Variants in LMTK2 observed in about 807,000 individuals in gnomAD.
LMTK2 encodes the protein lemur tail kinase 2.
In LMTK2, 37 loss-of-function variants were observed where a neutral mutation model predicts 127.5. The observed-to-expected ratio is 0.29, with a 90% CI of 0.22 to 0.38. The LOEUF (loss-of-function observed/expected upper bound fraction) is 0.38. Among genes scored for constraint, LMTK2 ranks in the 10% least tolerant of loss-of-function variants. The pLI is 1.00. For synonymous variants in LMTK2, 819 were observed against 810.1 expected (o/e 1.01, Z -0.19); for missense variants, 1,694 against 1,920.3 (o/e 0.88, Z 2.20).
intron 11 of LMTK2, among the ~76,000 whole-genome samples, chr7:98,200,059 T>A (rs2116478730): frequency 6.6e-6 from 1 of 152,356 alleles, no homozygotes; most frequent in South Asian, 2.1e-4. Flanking sequence ...AATTGAACAT[T>A]TTTAGTATTA....
chr7:98,194,090 C>T lies in LMTK2; in HGVS notation c.3625C>T (p.Leu1209Phe). Residue 1209 changes from leucine (L) to phenylalanine (F), a missense_variant, in exon 11 of 14, where the codon CTT becomes TTT. Leu to Phe is a conservative substitution (Grantham distance 22). Coordinates refer to ENST00000297293, the MANE Select transcript of LMTK2 (RefSeq NM_014916.4). The surrounding 1 kb of genome is among the most constrained non-coding windows in gnomAD (Gnocchi z 5.4). ...TCCCTGGAGTGTGCTGAATGCAGAACTTAGCAGCGGCGATGACTTCGAGAC... is the reference window on the plus strand; with the variant it reads ...TCCCTGGAGTGTGCTGAATGCAGAATTTAGCAGCGGCGATGACTTCGAGAC... ...SSPWSVLNAE[L>F]SSGDDFETQD... The T allele has an allele frequency of 6.2e-7, 1 of 1,614,146 alleles. No homozygotes were observed. The highest frequency in any genetic ancestry group is 8.5e-7 in the Non-Finnish European group (1 of 1,180,034).
chr7:98,185,252 G>T lies in LMTK2; in HGVS notation c.876+117G>T, dbSNP rs1037481874. 40 of 694,910 alleles carry T rather than the reference G, an allele frequency of 5.8e-5. No homozygotes were observed. In the Admixed American group the frequency reaches 8.5e-4, roughly 15 times the overall value. The allele number at this position is 694,910 out of a possible 1,614,324, so 43.0% of individuals were successfully genotyped here. On this transcript the variant is annotated intron_variant, in intron 8 of 13. Coordinates refer to ENST00000297293, the MANE Select transcript of LMTK2 (RefSeq NM_014916.4). Reference sequence around the variant, plus strand: ...TTAGTCGCTAGGCTTTCTGGAGAGGGATTTGCAGCAGTCATTTTAATGTGG... The same window carrying T: ...TTAGTCGCTAGGCTTTCTGGAGAGGTATTTGCAGCAGTCATTTTAATGTGG...
chr7:98,121,148 C>G (rs1384787436), intron 1 of LMTK2, among the ~76,000 whole-genome samples: 1 of 152,124 alleles, frequency 6.6e-6, no homozygotes, highest in African/African-American at 2.4e-5. Flanking sequence ...ACCCGTTCAC[C>G]CTGGTGAACC....
chr7:98,159,327 A>AT lies in LMTK2; in HGVS notation c.570-6dup, dbSNP rs766223180. 4 of 1,579,850 alleles carry AT rather than the reference A, an allele frequency of 2.5e-6. No homozygotes were observed. The South Asian group carries it at 3.5e-5, about 14-fold the overall frequency. Reference sequence around the variant, plus strand: ...CCTGATGAACAATATTATGGCTTTTATTTTTCCCAGCATTCTTCAGCATCC... The same window carrying AT: ...CCTGATGAACAATATTATGGCTTTTATTTTTTCCCAGCATTCTTCAGCATCC... On this transcript the variant is annotated splice_polypyrimidine_tract_variant and intron_variant, in intron 5 of 13. Coordinates refer to ENST00000297293, the MANE Select transcript of LMTK2 (RefSeq NM_014916.4).
rs1263630393 is a variant in LMTK2 at position 98,205,720 on chromosome 7, G to A, written c.*228G>A. 11 of 590,044 alleles carry A rather than the reference G, an allele frequency of 1.9e-5. No homozygotes were observed. Among genetic ancestry groups the A allele is most frequent in the Admixed American group, 6.0e-5 (2 of 33,526 alleles). The allele number at this position is 590,044 out of a possible 1,614,324, so 36.6% of individuals were successfully genotyped here. On this transcript the variant is annotated 3_prime_UTR_variant, in exon 14 of 14. Coordinates refer to ENST00000297293, the MANE Select transcript of LMTK2 (RefSeq NM_014916.4). ...AGGAGCCGGCGTCCCTCAGTGCCCCGTGCACCCGCGGCCGCGGCCTCCCAG... is the reference window on the plus strand; with the variant it reads ...AGGAGCCGGCGTCCCTCAGTGCCCCATGCACCCGCGGCCGCGGCCTCCCAG...
At position 98,154,791 on chromosome 7, in the gene LMTK2, G is replaced by T; in HGVS notation, c.484G>T (p.Val162Leu). The T allele has an allele frequency of 6.2e-7, 1 of 1,613,468 alleles. No individual in the cohort carries two copies. Among genetic ancestry groups the T allele is most frequent in the Non-Finnish European group, 8.5e-7 (1 of 1,179,436 alleles). Reference sequence around the variant, plus strand: ...GGGAGAGATTTACACGGGCACTAGCGTAGCAAGAGTCATCGTGAAGGAGTT... The same window carrying T: ...GGGAGAGATTTACACGGGCACTAGCTTAGCAAGAGTCATCGTGAAGGAGTT... Reference protein sequence around the residue: ...LLGEIYTGTSVARVIVKELKA... With the variant: ...LLGEIYTGTSLARVIVKELKA... Residue 162 changes from valine (V) to leucine (L), a missense_variant, in exon 5 of 14, where the codon GTA becomes TTA. Val to Leu is a conservative substitution (Grantham distance 32). Around this residue, in one of 8 missense-constraint regions of LMTK2, gnomAD observed 203 missense variants for 226.2 expected, o/e 0.90. Coordinates refer to ENST00000297293, the MANE Select transcript of LMTK2 (RefSeq NM_014916.4).
At chr7:98,165,347 AG>A (rs1797079005) in intron 6 of LMTK2, among the ~76,000 whole-genome samples, 1 of 152,130 alleles carries the variant, frequency 6.6e-6, no homozygotes, top group Non-Finnish European at 1.5e-5. Flanking sequence ...AGGCCGAGAG[AG>A]GGGAAGGGAC....
At chr7:98,113,181 G>T (rs1041940399) in intron 1 of LMTK2, among the ~76,000 whole-genome samples, 2 of 152,138 alleles carry the variant, frequency 1.3e-5, no homozygotes, top group Admixed American at 6.5e-5. Flanking sequence ...AATCATGGGG[G>T]TGGTTACCCC....
At chr7:98,108,822 C>T (rs367903230) in intron 1 of LMTK2, among the ~76,000 whole-genome samples, 4 of 147,754 alleles carry the variant, frequency 2.7e-5, no homozygotes, top group African/African-American at 7.5e-5. Flanking sequence ...TTTGAAGTAT[C>T]GATTCTTTAT....
chr7:98,179,628 T>C (rs1309361784), intron 7 of LMTK2, among the ~76,000 whole-genome samples: 9 of 111,660 alleles, frequency 8.1e-5, no homozygotes, highest in African/African-American at 3.1e-4. Flanking sequence ...CCTCCCTCCC[T>C]TTCTCCCTCC....
intron 11 of LMTK2, among the ~76,000 whole-genome samples, chr7:98,197,564 C>A (rs891148879): frequency 6.6e-6 from 1 of 152,184 alleles, no homozygotes; most frequent in African/African-American, 2.4e-5. Context: ...TGTAAACAAG[C>A]ACTGAAGGCT....
Position 98,205,605 on chromosome 7 carries a change from G to A in LMTK2, c.*113G>A. On this transcript the variant is annotated 3_prime_UTR_variant, in exon 14 of 14. Coordinates refer to ENST00000297293, the MANE Select transcript of LMTK2 (RefSeq NM_014916.4). ...GCCATTTGCTGACATGAGATTGGGAGGAAGAATCCAGAGGTGAAGAGGGAG... is the reference window on the plus strand; with the variant it reads ...GCCATTTGCTGACATGAGATTGGGAAGAAGAATCCAGAGGTGAAGAGGGAG... 1 of 1,177,462 alleles carries A rather than the reference G, an allele frequency of 8.5e-7. No individual in the cohort carries two copies. The highest frequency in any genetic ancestry group is 1.2e-6 in the Non-Finnish European group (1 of 815,500). 72.9% of individuals were successfully genotyped at this position (1,177,462 alleles called of 1,614,324 possible).
intron 8 of LMTK2, among the ~76,000 whole-genome samples, chr7:98,186,168 A>G (rs552363944): frequency 4.4e-4 from 67 of 150,844 alleles, no homozygotes; most frequent in African/African-American, 1.6e-3. Context: ...GGTTCAAGCG[A>G]TTCTCCTGCC....
rs116651302 is a variant in LMTK2 at position 98,193,194 on chromosome 7, G to T, written c.2729G>T (p.Ser910Ile). The T allele has an allele frequency of 2.6e-3, 4,234 of 1,613,698 alleles. 107 individuals carry two copies. The African/African-American group carries it at 0.05, about 19-fold the overall frequency. The part of the protein sequence containing the change: ...DSVLADDILA[S>I]RVSVGSSLPE... ...GTTCTTGCTGATGACATCCTTGCCA[G>T]CAGGGTGAGTGTAGGGAGTAGTCTC... Residue 910 changes from serine (S) to isoleucine (I), a missense_variant, in exon 11 of 14, where the codon AGC (serine) becomes ATC (isoleucine). Ser to Ile is a moderately radical substitution (Grantham distance 142). This residue lies in a region of LMTK2 where 527 missense variants were observed against 539.8 expected (regional missense o/e 0.98). Transcript: ENST00000297293. This position sits in a 1 kb window ranked among gnomAD's most constrained non-coding sequence, Gnocchi z 4.1.
rs141682018 is a variant in LMTK2, at chr7:98,163,051, C to T, written c.657+3626C>T. On this transcript the variant is annotated intron_variant, in intron 6 of 13. Transcript: ENST00000297293. ...ACAAAAAGACAAGTTCTGGGTAATT[C>T]TACTTACAGGAGGGACCTAGAGTAG... Among the ~76,000 whole-genome samples the T allele has an allele frequency of 1.6e-3, 243 of 151,948 alleles. No individual in the cohort carries two copies. The East Asian group carries it at 0.025, about 16-fold the overall frequency.
At chr7:98,202,688 G>A (rs979159017) in intron 11 of LMTK2, among the ~76,000 whole-genome samples, 19 of 152,072 alleles carry the variant, frequency 1.2e-4, no homozygotes, top group Admixed American at 5.2e-4. Flanking sequence ...CCTGCCCCAC[G>A]TGTGTGCCCC....
In LMTK2 at chr7:98,208,311, G is replaced by A. The variant is rs1797839935; in HGVS notation, c.*2819G>A. ...TTTTTTGAAATCCAAGCAATACACA[G>A]GAAATTTAAGTAGAATAAAAATTGC... On this transcript the variant is annotated 3_prime_UTR_variant, in exon 14 of 14. Coordinates refer to ENST00000297293, the MANE Select transcript of LMTK2 (RefSeq NM_014916.4). 6.6e-6 allele frequency: 1 copy of A among 152,126 alleles called. No individual in the cohort carries two copies. The highest frequency in any genetic ancestry group is 6.5e-5 in the Admixed American group (1 of 15,278). 9.4% of individuals were successfully genotyped at this position (152,126 alleles called of 1,614,324 possible).
At chr7:98,202,456 G>GT (rs1368776886) in intron 11 of LMTK2, among the ~76,000 whole-genome samples, 1 of 152,132 alleles carries the variant, frequency 6.6e-6, no homozygotes, top group East Asian at 1.9e-4. Flanking sequence ...AAATTGAGGT[G>GT]TTCCTGGTTT....
At chr7:98,203,523 G>C in intron 11 of LMTK2, 51 bp from the exon 12 acceptor site, 2 of 1,549,146 alleles carry the variant, frequency 1.3e-6, no homozygotes, top group Non-Finnish European at 8.7e-7. Context: ...TCACACGGGG[G>C]GTTCCCGTGA....
Sources: gnomAD v4.1 joint callset for allele counts (sites outside exome capture counted in the v4.1 genomes callset) on GRCh38, gnomAD v4.1.1 for gene constraint, gnomAD v4.1.1 regional missense constraint, Gnocchi (gnomAD v3.1) non-coding constraint, MANE v1.5 for transcripts, NCBI Gene and HGNC (gene_info 2026-07-23, HGNC 2026-07-21) for gene names.